C2CD5: variants seen among roughly 807,000 people sequenced by gnomAD.
C2CD5 encodes the protein C2 domain-containing protein 5.
C2CD5 carries 109 observed loss-of-function variants against 130.3 expected under a neutral mutation model. The observed-to-expected ratio is 0.84, with a 90% CI of 0.72 to 0.98. The LOEUF (loss-of-function observed/expected upper bound fraction) is 0.98. Among genes scored for constraint, C2CD5 ranks in the 50% least tolerant of loss-of-function variants. The pLI is 0.00. For missense variants in C2CD5, 996 were observed against 1,261.8 expected, an observed-to-expected ratio of 0.79 and a Z score of 3.19; for synonymous variants, 454 against 429.2, an observed-to-expected ratio of 1.06 and a Z score of -0.71.
At chr12:22,492,150 T>C (rs7311345) in intron 11 of C2CD5, among the ~76,000 whole-genome samples, 14,248 of 152,032 alleles carry the variant, frequency 0.094, 954 homozygotes, top group African/African-American at 0.19. Flanking sequence ...TCCCTAACAA[T>C]AAGGATCACC....
intron 14 of C2CD5, among the ~76,000 whole-genome samples, chr12:22,479,827 C>T (rs1944446833): frequency 6.6e-6 from 1 of 151,718 alleles, no homozygotes; most frequent in African/African-American, 2.4e-5. Context: ...TGTAAATATG[C>T]TAATATAAGC....
chr12:22,478,912 A>G (rs1224113597), intron 14 of C2CD5, among the ~76,000 whole-genome samples: 3 of 152,164 alleles, frequency 2.0e-5, no homozygotes, highest in East Asian at 1.9e-4. Context: ...GAATATAATC[A>G]GCATCAGGGT....
chr12:22,449,953 C>T, intron 26 of C2CD5, 62 bp from the exon 27 acceptor site: 1 of 1,421,964 alleles, frequency 7.0e-7, no homozygotes, highest in Non-Finnish European at 9.7e-7. Context: ...TCTTCTGTTA[C>T]ATAAGGGGCA....
rs577799378 is a variant in C2CD5, at chr12:22,457,349, G to T, written c.2687-188C>A. Among the ~76,000 whole-genome samples, 15 of 152,226 alleles carry T rather than the reference G, an allele frequency of 9.9e-5. No homozygotes were observed. In the South Asian group the frequency reaches 3.1e-3, roughly 32 times the overall value. ...GAGACAGAAAAACATGAGAGGAAAT[G>T]CTGGAATGGAATTCTTTTGGAAGAA... On this transcript the variant is annotated intron_variant, in intron 24 of 26. Coordinates refer to ENST00000446597, the MANE Select transcript of C2CD5 (RefSeq NM_001286176.2).
At position 22,448,591 on chromosome 12, in the gene C2CD5, T is replaced by A. The variant is rs1465363686; in HGVS notation, c.*1169A>T. On this transcript the variant is annotated 3_prime_UTR_variant, in exon 27 of 27. Transcript: ENST00000446597. ...ATTTAGGAATATTCCAGTTTATTTT[T>A]ATACACTTTTTATTTAAAAAATAAA... The A allele has an allele frequency of 1.3e-5, 2 of 152,208 alleles. No homozygotes were observed. The highest frequency in any genetic ancestry group is 2.9e-5 in the Non-Finnish European group (2 of 68,036). The allele number at this position is 152,208 out of a possible 1,614,324, so 9.4% of individuals were successfully genotyped here.
intron 14 of C2CD5, among the ~76,000 whole-genome samples, chr12:22,481,987 G>A (rs1162872006): frequency 6.6e-6 from 1 of 151,872 alleles, no homozygotes; most frequent in Non-Finnish European, 1.5e-5. Context: ...GCACATTTAT[G>A]ATAAAGTTTA....
Position 22,483,711 on chromosome 12 carries a change from C to T in C2CD5, c.1551-968G>A, listed in dbSNP as rs190792374. On this transcript the variant is annotated intron_variant, in intron 13 of 26. Transcript: ENST00000446597. ...AAATACATTTTAGAAGAAAAATCAA[C>T]GGACTTTGTAATAAATTTGATGTGG... is the stretch of plus-strand genomic sequence containing the variant. Among the ~76,000 whole-genome samples the T allele has an allele frequency of 1.4e-4, 22 of 152,076 alleles. No homozygotes were observed. In the East Asian group the frequency reaches 1.7e-3, roughly 12 times the overall value.
intron 2 of C2CD5, 119 bp downstream of exon 2, chr12:22,543,942 C>G (rs774313435): frequency 1.4e-6 from 1 of 738,066 alleles, no homozygotes; most frequent in Non-Finnish European, 2.3e-6. Flanking sequence ...GCTGGACAAC[C>G]ACGGCCGAAG....
intron 10 of C2CD5, among the ~76,000 whole-genome samples, chr12:22,504,250 T>G: frequency 6.6e-6 from 1 of 151,974 alleles, no homozygotes. Flanking sequence ...CCAGACTCTA[T>G]AGCTTACTCA....
intron 7 of C2CD5, chr12:22,518,992 G>T: frequency 1.3e-6 from 1 of 793,636 alleles, no homozygotes; most frequent in Non-Finnish European, 1.9e-6. Context: ...GCTGGACTTC[G>T]AGTAAGAAAA....
At chr12:22,462,316 G>C (rs947951168) in intron 22 of C2CD5, among the ~76,000 whole-genome samples, 2 of 152,152 alleles carry the variant, frequency 1.3e-5, no homozygotes, top group Non-Finnish European at 2.9e-5. Flanking sequence ...CCCCCTTCTA[G>C]CTGCAAACAG....
intron 10 of C2CD5, among the ~76,000 whole-genome samples, chr12:22,501,164 T>C (rs1947731014): frequency 6.6e-6 from 1 of 152,202 alleles, no homozygotes; most frequent in African/African-American, 2.4e-5. Flanking sequence ...AAAAGCATAC[T>C]ACAAGGTGTC....
chr12:22,508,938 G>A (rs575118129), intron 9 of C2CD5, among the ~76,000 whole-genome samples: 81 of 150,580 alleles, frequency 5.4e-4, no homozygotes, highest in Admixed American at 1.3e-3. Flanking sequence ...CTGCAGTGGC[G>A]CAATCTCGGC....
intron 5 of C2CD5, 46 bp from the exon 6 acceptor site, chr12:22,524,673 T>A: frequency 6.7e-7 from 1 of 1,485,338 alleles, no homozygotes; most frequent in Non-Finnish European, 9.3e-7. Context: ...AAGGTAAAAC[T>A]CAATTTTTAA....
chr12:22,463,282 T>G (rs1034850436), intron 22 of C2CD5: 2 of 152,104 alleles, frequency 1.3e-5, no homozygotes, highest in African/African-American at 4.8e-5. Context: ...CCCCAGCTAC[T>G]TGGGAGGCTG....
chr12:22,477,278 G>A (rs931822723), intron 15 of C2CD5: 3 of 151,852 alleles, frequency 2.0e-5, no homozygotes, highest in East Asian at 1.9e-4. Flanking sequence ...TTTCAATTCA[G>A]ACTAGTCACA....
At chr12:22,534,183 G>A (rs1951602771) in intron 3 of C2CD5, among the ~76,000 whole-genome samples, 1 of 152,136 alleles carries the variant, frequency 6.6e-6, no homozygotes, top group South Asian at 2.1e-4. Context: ...GCAAGACTCT[G>A]TCTATTAAAA....
intron 22 of C2CD5, chr12:22,463,441 ACCCTTATGGGT>A (rs1260903904): frequency 6.6e-6 from 1 of 151,418 alleles, no homozygotes; most frequent in Non-Finnish European, 1.5e-5. Flanking sequence ...CCAGGTCTCC[ACCCTTATGGGT>A]GGGATTGGTG....
chr12:22,540,012 A>AG (rs1470505072), intron 2 of C2CD5, among the ~76,000 whole-genome samples: 1 of 148,806 alleles, frequency 6.7e-6, no homozygotes, highest in Non-Finnish European at 1.5e-5. Flanking sequence ...AAAAAAAAAG[A>AG]GAAAAAAAAC....
Sources: allele counts gnomAD v4.1 joint callset (sites outside exome capture counted in the v4.1 genomes callset), GRCh38; gene constraint gnomAD v4.1.1; transcripts MANE v1.5; gene names NCBI Gene and HGNC (gene_info 2026-07-23, HGNC 2026-07-21).